OPCML: variants seen among roughly 807,000 people sequenced by gnomAD.
The protein encoded by OPCML is opioid binding protein/cell adhesion molecule like.
A neutral mutation model predicts 37.8 loss-of-function variants in OPCML; 13 were observed. That is an observed-to-expected ratio of 0.34 (90% CI 0.22 to 0.55). The LOEUF (loss-of-function observed/expected upper bound fraction) is 0.55. OPCML is among the 20% of genes least tolerant of loss of function. OPCML has a pLI of 0.91. For missense variants in OPCML, 341 were observed against 435.6 expected (o/e 0.78, Z 1.93); for synonymous variants, 176 against 168.8 (o/e 1.04, Z -0.33).
At chr11:133,146,475 C>T (rs1425473700) in intron 1 of OPCML, among the ~76,000 whole-genome samples, 1 of 152,038 alleles carries the variant, frequency 6.6e-6, no homozygotes, top group East Asian at 1.9e-4. Context: ...CCACCATGCC[C>T]AGCTAATTTT....
intron 1 of OPCML, among the ~76,000 whole-genome samples, chr11:133,142,601 A>G (rs1467073509): frequency 1.3e-5 from 2 of 152,160 alleles, no homozygotes; most frequent in Non-Finnish European, 2.9e-5. Flanking sequence ...CATTTTACTC[A>G]CATGGGTAGT....
chr11:132,930,195 C>G (rs1945151525), intron 2 of OPCML, among the ~76,000 whole-genome samples: 1 of 152,046 alleles, frequency 6.6e-6, no homozygotes, highest in Non-Finnish European at 1.5e-5. Flanking sequence ...AAAACTCTGT[C>G]TCTACAAAAA....
chr11:133,236,166 AG>A (rs1275021365), intron 1 of OPCML, among the ~76,000 whole-genome samples: 1 of 152,170 alleles, frequency 6.6e-6, no homozygotes, highest in Non-Finnish European at 1.5e-5. Context: ...TAAGAAAATA[AG>A]GGTGGCTTGA....
chr11:133,058,351 G>T lies in OPCML; in HGVS notation c.62-115341C>A, dbSNP rs577114274. ...AGGAGAGCAATTCCAGGTACAAACA[G>T]CATCAGAGATGCAGGAGAGCATGGT... On this transcript the variant is annotated intron_variant, in intron 1 of 7. Coordinates refer to ENST00000524381, the MANE Select transcript of OPCML (RefSeq NM_001012393.5). Among the ~76,000 whole-genome samples the T allele has an allele frequency of 2.0e-5, 3 of 152,308 alleles. No homozygotes were observed. In the South Asian group the frequency reaches 6.2e-4, roughly 32 times the overall value.
intron 2 of OPCML, among the ~76,000 whole-genome samples, chr11:132,818,173 G>A (rs1345583190): frequency 6.6e-6 from 1 of 152,130 alleles, no homozygotes; most frequent in African/African-American, 2.4e-5. Flanking sequence ...TAGAAATACT[G>A]AGCCTGGAAG....
intron 2 of OPCML, among the ~76,000 whole-genome samples, chr11:132,906,113 G>A (rs1341719474): frequency 6.6e-6 from 1 of 151,984 alleles, no homozygotes; most frequent in Non-Finnish European, 1.5e-5. Context: ...GCTGCCTTTC[G>A]ACATTCTCTT....
At position 133,388,568 on chromosome 11, in the gene OPCML, G is replaced by A. The variant is rs75679730; in HGVS notation, c.61+143696C>T. On this transcript the variant is annotated intron_variant, in intron 1 of 7. Transcript: ENST00000524381. Reference sequence around the variant, plus strand: ...TGTAACACTTCAGCTTAATCTCAACGTCAAAAAGGGTGTTCAGCCAGGAAT... The same window carrying A: ...TGTAACACTTCAGCTTAATCTCAACATCAAAAAGGGTGTTCAGCCAGGAAT... Among the ~76,000 whole-genome samples the A allele has an allele frequency of 5.9e-5, 9 of 152,274 alleles. No individual in the cohort carries two copies. In the East Asian group the frequency reaches 7.7e-4, roughly 13 times the overall value.
chr11:132,522,294 G>A (rs746771839), intron 4 of OPCML, among the ~76,000 whole-genome samples: 18 of 152,048 alleles, frequency 1.2e-4, no homozygotes, highest in Non-Finnish European at 2.1e-4. Context: ...CTACACTCAG[G>A]CCAAAGAAAT....
chr11:132,887,059 A>G (rs1229026800), intron 2 of OPCML, among the ~76,000 whole-genome samples: 1 of 152,216 alleles, frequency 6.6e-6, no homozygotes, highest in Non-Finnish European at 1.5e-5. Flanking sequence ...GAATTTTATC[A>G]TTCTAAGACC....
intron 2 of OPCML, among the ~76,000 whole-genome samples, chr11:132,667,957 C>T (rs1035909585): frequency 1.3e-5 from 2 of 152,064 alleles, no homozygotes; most frequent in African/African-American, 2.4e-5. Context: ...GGGTTTATCC[C>T]GTGTTGGAGT....
rs1165947951 is a variant in OPCML at position 133,082,497 on chromosome 11, CTTCCCCA to C, written c.62-139494_62-139488del. Among the ~76,000 whole-genome samples the C allele has an allele frequency of 1.7e-4, 18 of 105,132 alleles. 3 individuals carry two copies. The East Asian group carries it at 4.4e-3, about 26-fold the overall frequency. The allele number at this position is 105,132 out of a possible 152,430, so 69.0% of individuals were successfully genotyped here. A position where few individuals can be genotyped will look rare whatever the true frequency, so the allele number is the denominator to read the frequency against. On this transcript the variant is annotated intron_variant, in intron 1 of 7. Coordinates refer to ENST00000524381, the MANE Select transcript of OPCML (RefSeq NM_001012393.5). ...TCCCCTCCCCACGCTCCCCTCTTCC[CTTCCCCA>C]CCTGCCACCCTCCCCTCCTCCCCTC...
intron 1 of OPCML, among the ~76,000 whole-genome samples, chr11:133,097,821 T>C (rs140978750): frequency 0.014 from 2,150 of 152,214 alleles, 56 homozygotes; most frequent in African/African-American, 0.049. Context: ...CAAGAAGAAA[T>C]AGACAATCTG....
intron 2 of OPCML, among the ~76,000 whole-genome samples, chr11:132,892,407 G>C (rs910903626): frequency 1.3e-5 from 2 of 152,160 alleles, no homozygotes; most frequent in African/African-American, 4.8e-5. Context: ...AAGAAATATA[G>C]AGAAAAAATA....
At chr11:132,803,073 C>T (rs1424967385) in intron 2 of OPCML, among the ~76,000 whole-genome samples, 1 of 152,078 alleles carries the variant, frequency 6.6e-6, no homozygotes, top group African/African-American at 2.4e-5. Flanking sequence ...TGGTTTAATC[C>T]TGGACACGAT....
At chr11:133,283,520 A>C (rs376157305) in intron 1 of OPCML, among the ~76,000 whole-genome samples, 3 of 152,252 alleles carry the variant, frequency 2.0e-5, no homozygotes, top group South Asian at 4.1e-4. Context: ...AAGCCTGCAG[A>C]ACTAGGGACC....
chr11:133,511,258 C>T (rs1948150052), intron 1 of OPCML, among the ~76,000 whole-genome samples: 1 of 152,174 alleles, frequency 6.6e-6, no homozygotes, highest in Admixed American at 6.5e-5. Context: ...TGGTCTCTGC[C>T]TCTAAGCTTT....
At chr11:133,115,934 TTAGTA>T (rs1949326467) in intron 1 of OPCML, among the ~76,000 whole-genome samples, 1 of 151,700 alleles carries the variant, frequency 6.6e-6, no homozygotes, top group Non-Finnish European at 1.5e-5. Context: ...CTAAAATACT[TTAGTA>T]TTTGTTTCTT....
At chr11:133,052,687 G>A (rs1234665855) in intron 1 of OPCML, among the ~76,000 whole-genome samples, 2 of 152,208 alleles carry the variant, frequency 1.3e-5, no homozygotes, top group Admixed American at 1.3e-4. Context: ...GATAGTGATT[G>A]TTTCCCAGAT....
chr11:132,643,981 G>C (rs73593149), intron 3 of OPCML, among the ~76,000 whole-genome samples: 6 of 152,100 alleles, frequency 3.9e-5, no homozygotes, highest in Non-Finnish European at 8.8e-5. Context: ...CCTCGTGGTC[G>C]TCTGATCCCA....
Sources: gnomAD v4.1 joint callset for allele counts (sites outside exome capture counted in the v4.1 genomes callset) on GRCh38, gnomAD v4.1.1 for gene constraint, MANE v1.5 for transcripts, NCBI Gene and HGNC (gene_info 2026-07-23, HGNC 2026-07-21) for gene names.